The following CD109 variants were observed in gnomAD, a reference collection of about 807,000 sequenced individuals.
CD109 encodes CD109 antigen.
A neutral mutation model predicts 165.8 loss-of-function variants in CD109; 149 were observed. The observed-to-expected ratio is 0.90, with a 90% CI of 0.79 to 1.03. The LOEUF (loss-of-function observed/expected upper bound fraction) is 1.03, where lower values mean the gene tolerates loss of function less well. CD109 is among the 50% of genes least tolerant of loss of function. The pLI, the probability that CD109 is intolerant of heterozygous loss-of-function variation, is 0.00. For synonymous variants in CD109, 585 were observed against 592.1 expected, an observed-to-expected ratio of 0.99 and a Z score of 0.18; for missense variants, 1,712 against 1,677.8, an observed-to-expected ratio of 1.02 and a Z score of -0.36.
chr6:73,702,468 A>C (rs1214623569), intron 2 of CD109, among the ~76,000 whole-genome samples: 1 of 152,236 alleles, frequency 6.6e-6, no homozygotes, highest in Non-Finnish European at 1.5e-5. Context: ...AGGTTTTCAC[A>C]GGCAGCTTTG....
At chr6:73,769,770 A>G (rs1019383118) in intron 14 of CD109, among the ~76,000 whole-genome samples, 5 of 152,342 alleles carry the variant, frequency 3.3e-5, no homozygotes, top group East Asian at 3.9e-4. Flanking sequence ...CAGAGTATAG[A>G]GTGAGAAGTA....
chr6:73,816,906 A>G (rs905620931), intron 30 of CD109, among the ~76,000 whole-genome samples: 22 of 152,182 alleles, frequency 1.4e-4, no homozygotes, highest in African/African-American at 5.1e-4. Flanking sequence ...ATAGGGGTTC[A>G]TGTAAGGATG....
At position 73,771,563 on chromosome 6, in the gene CD109, T is replaced by C; in HGVS notation, c.1809T>C (p.Asn603=). Residue 603 remains asparagine, a synonymous_variant, in exon 15 of 33, where the codon AAT becomes AAC. Transcript: ENST00000287097. The part of the protein sequence containing the change: ...DKSVNLMNAS[N]DITMENVVHE... Reference sequence around the variant, plus strand: ...GTGTGAATCTGATGAATGCCTCTAATGATATTACAATGGAAAATGTGAGTT... The same window carrying C: ...GTGTGAATCTGATGAATGCCTCTAACGATATTACAATGGAAAATGTGAGTT... 2 of 1,585,376 alleles carry C rather than the reference T, an allele frequency of 1.3e-6. No homozygotes were observed. Among genetic ancestry groups the C allele is most frequent in the Non-Finnish European group, 8.6e-7 (1 of 1,169,460 alleles).
chr6:73,724,424 T>C (rs1451649125), intron 3 of CD109, among the ~76,000 whole-genome samples: 1 of 152,200 alleles, frequency 6.6e-6, no homozygotes, highest in Non-Finnish European at 1.5e-5. Flanking sequence ...TATACTTTCA[T>C]TACTATGCTT....
intron 28 of CD109, among the ~76,000 whole-genome samples, chr6:73,811,396 C>T (rs956843790): frequency 6.6e-6 from 1 of 152,034 alleles, no homozygotes; most frequent in Non-Finnish European, 1.5e-5. Flanking sequence ...ACATAGAAAC[C>T]TGTTGAGTTT....
At chr6:73,802,043 TAG>T (rs1287538943) in intron 23 of CD109, among the ~76,000 whole-genome samples, 2 of 152,178 alleles carry the variant, frequency 1.3e-5, no homozygotes, top group African/African-American at 4.8e-5. Flanking sequence ...GTGAATCCTT[TAG>T]AGTTTGGCCT....
At chr6:73,786,016 G>T (rs1774677070) in intron 20 of CD109, among the ~76,000 whole-genome samples, 1 of 151,870 alleles carries the variant, frequency 6.6e-6, no homozygotes, top group South Asian at 2.1e-4. Flanking sequence ...GCTAATTTTT[G>T]TGTTTTTCAT....
chr6:73,760,813 C>G lies in CD109; in HGVS notation c.759-1571C>G, dbSNP rs1407945716. Among the ~76,000 whole-genome samples, 3 of 152,108 alleles carry G rather than the reference C, an allele frequency of 2.0e-5. No homozygotes were observed. The East Asian group carries it at 5.8e-4, about 29-fold the overall frequency. ...TGACCCTAGATCGCACCACTGCACT[C>G]CAGCCTGGGTGACAGAGCGAGACTC... On this transcript the variant is annotated intron_variant, in intron 7 of 32. Transcript: ENST00000287097.
chr6:73,814,351 C>T (rs1444621247), intron 29 of CD109, among the ~76,000 whole-genome samples: 1 of 152,074 alleles, frequency 6.6e-6, no homozygotes, highest in Non-Finnish European at 1.5e-5. Context: ...GAGTACATTC[C>T]TAAGCTTCTG....
Position 73,763,720 on chromosome 6 carries a change from TA to T in CD109, c.1107+37del, listed in dbSNP as rs759058429. The T allele has an allele frequency of 6.6e-6, 7 of 1,065,758 alleles. No individual in the cohort carries two copies. The East Asian group carries it at 1.7e-4, about 26-fold the overall frequency. 66.0% of individuals were successfully genotyped at this position (1,065,758 alleles called of 1,614,324 possible). ...TATATTTATTTCCAGTCCATAGCAGTAAGTTCAGCTTAATGAAATAGAATGG... is the reference window on the plus strand; with the variant it reads ...TATATTTATTTCCAGTCCATAGCAGTAGTTCAGCTTAATGAAATAGAATGG... On this transcript the variant is annotated intron_variant, in intron 10 of 32. Transcript: ENST00000287097.
chr6:73,819,298 A>G (rs909959486), intron 31 of CD109, among the ~76,000 whole-genome samples: 36 of 152,260 alleles, frequency 2.4e-4, no homozygotes, highest in Admixed American at 2.1e-3. Flanking sequence ...ACCTTCGTGT[A>G]CTCTTTCCAT....
chr6:73,679,900 G>A, the CD109 span, among the ~76,000 whole-genome samples: 1 of 152,198 alleles, frequency 6.6e-6, no homozygotes, highest in Non-Finnish European at 1.5e-5. Context: ...CTCCCAAAAT[G>A]CTGGGATTAC....
At chr6:73,734,711 C>T (rs371013584) in intron 4 of CD109, among the ~76,000 whole-genome samples, 10 of 152,330 alleles carry the variant, frequency 6.6e-5, no homozygotes, top group East Asian at 5.8e-4. Context: ...ATTGTACTTA[C>T]CCCTAACTGT....
At chr6:73,814,858 T>C (rs1775880010) in intron 29 of CD109, 123 bp from the exon 30 acceptor site, 1 of 519,560 alleles carries the variant, frequency 1.9e-6, no homozygotes, top group African/African-American at 2.0e-5. Flanking sequence ...TTTTTTCTAG[T>C]TTGAAGATTA....
intron 22 of CD109, among the ~76,000 whole-genome samples, chr6:73,790,324 C>T (rs1209693549): frequency 6.6e-6 from 1 of 151,884 alleles, no homozygotes; most frequent in Non-Finnish European, 1.5e-5. Context: ...TCAAACCCCT[C>T]ACCTCAGGTG....
At chr6:73,755,229 T>C (rs1383284879) in intron 5 of CD109, among the ~76,000 whole-genome samples, 2 of 152,206 alleles carry the variant, frequency 1.3e-5, no homozygotes, top group African/African-American at 2.4e-5. Flanking sequence ...ATGAAAACAA[T>C]TTGAGATAGA....
intron 2 of CD109, among the ~76,000 whole-genome samples, chr6:73,711,067 G>C (rs865837797): frequency 3.3e-5 from 5 of 152,136 alleles, no homozygotes; most frequent in Non-Finnish European, 5.9e-5. Flanking sequence ...AAAAACAGGC[G>C]TGGGCCAGAC....
At chr6:73,808,389 C>A in intron 26 of CD109, 141 bp downstream of exon 26, 1 of 752,408 alleles carries the variant, frequency 1.3e-6, no homozygotes, top group Non-Finnish European at 2.1e-6. Flanking sequence ...TCAGGATGGG[C>A]CTGACATGGC....
chr6:73,756,499 A>G, intron 5 of CD109, 144 bp from the exon 6 acceptor site: 1 of 584,492 alleles, frequency 1.7e-6, no homozygotes, highest in East Asian at 3.7e-5. Context: ...TCCATAAATG[A>G]AAATAAACAA....
Sources: allele counts gnomAD v4.1 joint callset (sites outside exome capture counted in the v4.1 genomes callset), GRCh38; gene constraint gnomAD v4.1.1; transcripts MANE v1.5; gene names NCBI Gene and HGNC (gene_info 2026-07-23, HGNC 2026-07-21).